The following SIAH3 variants were observed in gnomAD, a reference collection of about 807,000 sequenced individuals.
SIAH3 encodes the protein siah E3 ubiquitin protein ligase family member 3, also known as seven in absentia homolog 3.
A neutral mutation model predicts 12.6 loss-of-function variants in SIAH3; 9 were observed. The ratio of observed to expected loss-of-function variants is 0.72; its 90% CI spans 0.43 to 1.25. The LOEUF (loss-of-function observed/expected upper bound fraction) is 1.25, where lower values mean the gene tolerates loss of function less well. SIAH3 is among the 50% of genes most tolerant of loss of function. The pLI is 0.00. For synonymous variants in SIAH3, 154 were observed against 151.1 expected (o/e 1.02, Z -0.14); for missense variants, 390 against 365.4 (o/e 1.07, Z -0.55).
At chr13:45,814,872 G>A (rs1328424677) in intron 1 of SIAH3, among the ~76,000 whole-genome samples, 1 of 152,082 alleles carries the variant, frequency 6.6e-6, no homozygotes, top group Admixed American at 6.5e-5. Context: ...ATAGGTGTGT[G>A]CCACCATGCC....
intron 1 of SIAH3, among the ~76,000 whole-genome samples, chr13:45,797,586 T>C (rs946076000): frequency 1.3e-5 from 2 of 152,124 alleles, no homozygotes; most frequent in African/African-American, 2.4e-5. Flanking sequence ...AGACCAGCAA[T>C]CCTCAAACAC....
intron 1 of SIAH3, among the ~76,000 whole-genome samples, chr13:45,846,022 A>G (rs1361564178): frequency 1.3e-5 from 2 of 149,998 alleles, no homozygotes; most frequent in Non-Finnish European, 3.0e-5. Flanking sequence ...TTAACTTAGC[A>G]TAATTTGAAG....
chr13:45,825,900 C>A (rs753314649), intron 1 of SIAH3, among the ~76,000 whole-genome samples: 33 of 152,274 alleles, frequency 2.2e-4, no homozygotes, highest in Admixed American at 7.8e-4. Context: ...GCTCCCTCCC[C>A]TGACCATGAA....
At chr13:45,824,651 G>A (rs1950667306) in intron 1 of SIAH3, among the ~76,000 whole-genome samples, 1 of 151,668 alleles carries the variant, frequency 6.6e-6, no homozygotes, top group Non-Finnish European at 1.5e-5. Flanking sequence ...AGTGCTAAAT[G>A]TCTTTGGACC....
At chr13:45,821,645 G>T (rs966903115) in intron 1 of SIAH3, among the ~76,000 whole-genome samples, 3 of 152,222 alleles carry the variant, frequency 2.0e-5, no homozygotes. Flanking sequence ...ATTAACTATA[G>T]CAAAGATGCT....
chr13:45,838,014 C>G (rs1045703117), intron 1 of SIAH3, among the ~76,000 whole-genome samples: 4 of 152,160 alleles, frequency 2.6e-5, no homozygotes, highest in African/African-American at 9.7e-5. Flanking sequence ...CACCACATCA[C>G]CCCCCATTTG....
At chr13:45,788,040 C>G (rs1196563885) in intron 1 of SIAH3, among the ~76,000 whole-genome samples, 2 of 152,128 alleles carry the variant, frequency 1.3e-5, no homozygotes, top group Non-Finnish European at 2.9e-5. Context: ...ATCCAAAGAG[C>G]CTGAAGTGAA....
chr13:45,826,686 A>T (rs78209683), intron 1 of SIAH3, among the ~76,000 whole-genome samples: 4,058 of 152,228 alleles, frequency 0.027, 220 homozygotes, highest in African/African-American at 0.091. Context: ...TCTTCAAGTT[A>T]AACATGAAAA....
chr13:45,785,057 T>C (rs1409724673), intron 1 of SIAH3, among the ~76,000 whole-genome samples: 4 of 152,218 alleles, frequency 2.6e-5, no homozygotes, highest in Admixed American at 2.0e-4. Flanking sequence ...GCTTCAGTAA[T>C]AACGTGATGG....
intron 1 of SIAH3, among the ~76,000 whole-genome samples, chr13:45,792,200 C>T (rs1272508955): frequency 1.3e-5 from 2 of 152,114 alleles, no homozygotes; most frequent in Middle Eastern, 3.4e-3. Context: ...GTGACTATTT[C>T]AGGGGTTGGG....
In SIAH3 at chr13:45,780,079, T is replaced by G. The variant is rs955881108; in HGVS notation, c.*3304A>C. ...TAAAAGGCAATTACTCCTTAGAGAGTGAGTCATTAACTCTTGCACCTTGGT... is the reference window on the plus strand; with the variant it reads ...TAAAAGGCAATTACTCCTTAGAGAGGGAGTCATTAACTCTTGCACCTTGGT... On this transcript the variant is annotated 3_prime_UTR_variant, in exon 2 of 2. Transcript: ENST00000400405. The G allele has an allele frequency of 3.3e-5, 5 of 152,098 alleles. No homozygotes were observed. The highest frequency in any genetic ancestry group is 1.2e-4 in the African/African-American group (5 of 41,404). 9.4% of individuals were successfully genotyped at this position (152,098 alleles called of 1,614,324 possible).
rs532043358 is a variant in SIAH3 at position 45,816,837 on chromosome 13, T to C, written c.136-32780A>G. On this transcript the variant is annotated intron_variant, in intron 1 of 1. Coordinates refer to ENST00000400405, the MANE Select transcript of SIAH3 (RefSeq NM_198849.3). ...GCCTACAGGTAGTAGCAATGAACAGTAGTAATAACTATAATATATGGAGTG... is the reference window on the plus strand; with the variant it reads ...GCCTACAGGTAGTAGCAATGAACAGCAGTAATAACTATAATATATGGAGTG... Among the ~76,000 whole-genome samples, 64 of 152,324 alleles carry C rather than the reference T, an allele frequency of 4.2e-4. 2 individuals carry two copies. In the South Asian group the frequency reaches 9.9e-3, roughly 24 times the overall value.
rs762726834 is a variant in SIAH3, at chr13:45,851,478, A to G, written c.135+17T>C. 3 of 1,613,866 alleles carry G rather than the reference A, an allele frequency of 1.9e-6. No individual in the cohort carries two copies. Among genetic ancestry groups the G allele is most frequent in the Non-Finnish European group, 2.5e-6 (3 of 1,179,880 alleles). ...TGAACCTGAGCCCGGTGAAGGTAAAATGACACAGAGACTCACCTTTAGGTT... is the reference window on the plus strand; with the variant it reads ...TGAACCTGAGCCCGGTGAAGGTAAAGTGACACAGAGACTCACCTTTAGGTT... On this transcript the variant is annotated intron_variant, in intron 1 of 1. Transcript: ENST00000400405.
chr13:45,795,580 G>C (rs1950559745), intron 1 of SIAH3, among the ~76,000 whole-genome samples: 1 of 152,150 alleles, frequency 6.6e-6, no homozygotes, highest in Admixed American at 6.6e-5. Flanking sequence ...AGCCTGTCAG[G>C]GCTAGCTGCC....
chr13:45,832,529 T>G (rs1486185118), intron 1 of SIAH3, among the ~76,000 whole-genome samples: 1 of 152,238 alleles, frequency 6.6e-6, no homozygotes, highest in Non-Finnish European at 1.5e-5. Context: ...ATTTCATTCC[T>G]TTTTATGGTT....
At chr13:45,851,257 C>G (rs538055124) in intron 1 of SIAH3, among the ~76,000 whole-genome samples, 118 of 152,300 alleles carry the variant, frequency 7.7e-4, no homozygotes, top group Non-Finnish European at 1.4e-3. Flanking sequence ...GGAAAGACAT[C>G]AGACCATCAA....
rs778546689 is a variant in SIAH3, at chr13:45,801,851, A to AG, written c.136-17795dup. 5.7e-4 allele frequency among the ~76,000 whole-genome samples: 87 copies of AG among 152,328 alleles called. No individual in the cohort carries two copies. In the Middle Eastern group the frequency reaches 0.014, roughly 24 times the overall value. On this transcript the variant is annotated intron_variant, in intron 1 of 1. Coordinates refer to ENST00000400405, the MANE Select transcript of SIAH3 (RefSeq NM_198849.3). ...CATGCTCCAGGCATTAGTCTAGGCA[A>AG]GCAGATGAAGATATCAAGGGGCAGC...
intron 1 of SIAH3, among the ~76,000 whole-genome samples, chr13:45,824,281 A>T (rs1342879859): frequency 6.6e-6 from 1 of 152,224 alleles, no homozygotes; most frequent in East Asian, 1.9e-4. Context: ...CGCCACATCG[A>T]ATTCTCTAAG....
At chr13:45,826,460 A>AGTGGGTG (rs1162256365) in intron 1 of SIAH3, among the ~76,000 whole-genome samples, 1 of 7,498 alleles carries the variant, frequency 1.3e-4, no homozygotes, top group Non-Finnish European at 3.1e-4. Flanking sequence ...TGGATGGATG[A>AGTGGGTG]ATGGATGGAT....
Sources: gnomAD v4.1 joint callset for allele counts (sites outside exome capture counted in the v4.1 genomes callset) on GRCh38, gnomAD v4.1.1 for gene constraint, MANE v1.5 for transcripts, NCBI Gene and HGNC (gene_info 2026-07-23, HGNC 2026-07-21) for gene names.